Variants in COG6 observed in about 807,000 individuals in gnomAD.
COG6 encodes the protein component of oligomeric golgi complex 6, also known as conserved oligomeric Golgi complex subunit 6.
Under a neutral mutation model 88.8 loss-of-function variants are expected in COG6, and 74 were observed. That is an observed-to-expected ratio of 0.83 (90% confidence interval 0.69 to 1.01). The LOEUF (loss-of-function observed/expected upper bound fraction) is 1.01, where lower values mean the gene tolerates loss of function less well. COG6 is among the 50% of genes least tolerant of loss of function. COG6 has a pLI of 0.00. For synonymous variants in COG6, 286 were observed against 278.7 expected, an observed-to-expected ratio of 1.03 and a Z score of -0.26; for missense variants, 800 against 797.9, an observed-to-expected ratio of 1.00 and a Z score of -0.03.
At chr13:39,728,456 G>A (rs779017472) in intron 18 of COG6, among the ~76,000 whole-genome samples, 1 of 141,500 alleles carries the variant, frequency 7.1e-6, no homozygotes, top group African/African-American at 2.6e-5. Flanking sequence ...GAATTGGCTG[G>A]AAATCTATGG....
intron 4 of COG6, among the ~76,000 whole-genome samples, chr13:39,671,171 G>A (rs778497295): frequency 7.2e-5 from 11 of 151,928 alleles, no homozygotes; most frequent in Non-Finnish European, 1.3e-4. Context: ...AAATTTGGGG[G>A]TAAGGCACAG....
chr13:39,777,848 G>A (rs1881510311), intron 18 of COG6, among the ~76,000 whole-genome samples: 1 of 152,166 alleles, frequency 6.6e-6, no homozygotes, highest in African/African-American at 2.4e-5. Flanking sequence ...TCAAATAATG[G>A]TTACTTACTG....
chr13:39,768,743 T>C (rs113290150), intron 18 of COG6, among the ~76,000 whole-genome samples: 78 of 151,946 alleles, frequency 5.1e-4, no homozygotes, highest in African/African-American at 1.8e-3. Flanking sequence ...GATACTATTA[T>C]ATATCATAAT....
rs1415659776 is a variant in COG6 at position 39,682,254 on chromosome 13, G to C, written c.778G>C (p.Val260Leu). Reference protein sequence around the residue: ...QAMEALQDRPVLYKYTLDEFG... With the variant: ...QAMEALQDRPLLYKYTLDEFG... ...AATGGAAGCCCTGCAGGACAGACCT[G>C]TCTTATATAAGTTGGTGACTTTTTC... Residue 260 changes from valine to leucine, a missense_variant, in exon 8 of 19, where the codon GTC (valine) becomes CTC (leucine). Transcript: ENST00000455146. 6.2e-7 allele frequency: 1 copy of C among 1,603,996 alleles called. No individual in the cohort carries two copies. Among genetic ancestry groups the C allele is most frequent in the Non-Finnish European group, 8.5e-7 (1 of 1,171,352 alleles).
chr13:39,676,793 A>G (rs1475379719), intron 4 of COG6, among the ~76,000 whole-genome samples: 1 of 152,108 alleles, frequency 6.6e-6, no homozygotes, highest in African/African-American at 2.4e-5. Flanking sequence ...CTGTTCAAGT[A>G]GTTTGTGTTC....
chr13:39,697,434 T>G (rs1877338524), intron 12 of COG6, among the ~76,000 whole-genome samples: 1 of 151,910 alleles, frequency 6.6e-6, no homozygotes, highest in African/African-American at 2.4e-5. Flanking sequence ...TTAAAACTCC[T>G]AACAAAAGGA....
intron 13 of COG6, among the ~76,000 whole-genome samples, chr13:39,709,177 A>T (rs1263477731): frequency 6.6e-6 from 1 of 152,208 alleles, no homozygotes; most frequent in Admixed American, 6.5e-5. Context: ...AACCTGCCCT[A>T]GGTCACATAG....
intron 13 of COG6, among the ~76,000 whole-genome samples, chr13:39,710,878 G>A (rs547316997): frequency 1.3e-5 from 2 of 151,128 alleles, no homozygotes; most frequent in African/African-American, 2.4e-5. Context: ...TGTTTTTGAC[G>A]AAAGAAAAAT....
At chr13:39,782,301 AC>A (rs1881652591) in intron 18 of COG6, among the ~76,000 whole-genome samples, 1 of 152,222 alleles carries the variant, frequency 6.6e-6, no homozygotes, top group African/African-American at 2.4e-5. Context: ...ATCTGAAAAA[AC>A]TATGAAATAA....
chr13:39,786,429 G>A (rs992771288), intron 18 of COG6, among the ~76,000 whole-genome samples: 1 of 152,180 alleles, frequency 6.6e-6, no homozygotes, highest in African/African-American at 2.4e-5. Context: ...GTGATCGTGG[G>A]ATCCTGCAGA....
intron 18 of COG6, among the ~76,000 whole-genome samples, chr13:39,782,590 A>C (rs1881663463): frequency 6.6e-6 from 1 of 152,072 alleles, no homozygotes; most frequent in African/African-American, 2.4e-5. Context: ...ATCTCTCCTC[A>C]TTTTCATCCA....
At chr13:39,779,643 T>C (rs1250450023) in intron 18 of COG6, among the ~76,000 whole-genome samples, 2 of 152,314 alleles carry the variant, frequency 1.3e-5, no homozygotes, top group East Asian at 3.9e-4. Flanking sequence ...GCTGCAGGCA[T>C]GAGGAGCAAT....
At chr13:39,728,693 G>A (rs921350615) in intron 18 of COG6, among the ~76,000 whole-genome samples, 1 of 150,208 alleles carries the variant, frequency 6.7e-6, no homozygotes. Context: ...TTTTTGAGAC[G>A]GCGTCTTGCT....
chr13:39,657,338 CCTT>C (rs1402616006), intron 1 of COG6, among the ~76,000 whole-genome samples: 1 of 152,178 alleles, frequency 6.6e-6, no homozygotes, highest in Non-Finnish European at 1.5e-5. Flanking sequence ...GGCCACATAA[CCTT>C]CTTTTTACCA....
Position 39,659,470 on chromosome 13 carries a change from A to G in COG6, c.260A>G (p.Asn87Ser), listed in dbSNP as rs751870618. ...GDIERKSLAI[N>S]EEFVSIFKEV... ...ATTGAACGTAAAAGTTTAGCCATCA[A>G]TGAAGAATTTGTAAGCATTTTCAAG... The change falls in exon 2 of 19, where the codon AAT becomes AGT. Residue 87 changes from asparagine to serine, a missense_variant. Coordinates refer to ENST00000455146, the MANE Select transcript of COG6 (RefSeq NM_020751.3). 8.7e-6 allele frequency: 14 copies of G among 1,613,640 alleles called. No homozygotes were observed. The highest frequency in any genetic ancestry group is 6.7e-5 in the Admixed American group (4 of 60,026).
At chr13:39,771,424 C>T (rs1881316097) in intron 18 of COG6, among the ~76,000 whole-genome samples, 1 of 152,186 alleles carries the variant, frequency 6.6e-6, no homozygotes, top group Non-Finnish European at 1.5e-5. Context: ...GGCTCACCCG[C>T]TGCCCAGCGC....
Position 39,751,265 on chromosome 13 carries a change from A to C in COG6, c.*172A>C. The C allele has an allele frequency of 6.6e-7, 1 of 1,514,738 alleles. No homozygotes were observed. The allele number at this position is 1,514,738 out of a possible 1,614,324, so 93.8% of individuals were successfully genotyped here. ...TGGTCTCAGTAACAGGGAAGTAAGT[A>C]ACATGTTGACCTGAGCTAGTATTGC... On this transcript the variant is annotated 3_prime_UTR_variant, in exon 19 of 19. Coordinates refer to ENST00000455146, the MANE Select transcript of COG6 (RefSeq NM_020751.3).
chr13:39,691,207 T>C (rs1876959805), intron 11 of COG6, among the ~76,000 whole-genome samples: 1 of 151,882 alleles, frequency 6.6e-6, no homozygotes, highest in Admixed American at 6.6e-5. Context: ...TAATGGACTT[T>C]TCAGTTTCCT....
intron 18 of COG6, among the ~76,000 whole-genome samples, chr13:39,737,166 A>C (rs1879800503): frequency 6.6e-6 from 1 of 152,110 alleles, no homozygotes; most frequent in Non-Finnish European, 1.5e-5. Context: ...TCCCCCAGGC[A>C]AATAGAGTCT....
Sources: gnomAD v4.1 joint callset for allele counts (sites outside exome capture counted in the v4.1 genomes callset) on GRCh38, gnomAD v4.1.1 for gene constraint, MANE v1.5 for transcripts, NCBI Gene and HGNC (gene_info 2026-07-23, HGNC 2026-07-21) for gene names.